Variants in PRTG observed in about 807,000 individuals in gnomAD.
PRTG encodes immunoglobulin superfamily, DCC subclass, member 5.
PRTG carries 67 observed loss-of-function variants against 122.5 expected under a neutral mutation model. The ratio of observed to expected loss-of-function variants is 0.55; its 90% CI spans 0.45 to 0.67. The LOEUF (loss-of-function observed/expected upper bound fraction) is 0.67, where lower values mean the gene tolerates loss of function less well. Ranked by LOEUF, PRTG falls within the 30% of genes least tolerant of loss-of-function variation. The pLI is 0.00. For synonymous variants in PRTG, 554 were observed against 501.1 expected, an observed-to-expected ratio of 1.11 and a Z score of -1.41; for missense variants, 1,435 against 1,415.4, an observed-to-expected ratio of 1.01 and a Z score of -0.22.
At chr15:55,730,873 G>A (rs2031207339) in intron 2 of PRTG, among the ~76,000 whole-genome samples, 1 of 152,110 alleles carries the variant, frequency 6.6e-6, no homozygotes, top group African/African-American at 2.4e-5. Flanking sequence ...CCTTGAGAAA[G>A]GCACTTACCC....
At chr15:55,667,721 A>G (rs796176233) in intron 11 of PRTG, among the ~76,000 whole-genome samples, 2 of 152,224 alleles carry the variant, frequency 1.3e-5, no homozygotes, top group Non-Finnish European at 2.9e-5. Context: ...CAAGGCAAGC[A>G]GTTTCCAAAA....
chr15:55,675,175 G>C (rs909609414), intron 9 of PRTG, among the ~76,000 whole-genome samples: 5 of 151,980 alleles, frequency 3.3e-5, no homozygotes, highest in African/African-American at 1.2e-4. Context: ...TCTGGCCCTG[G>C]TCACTACATA....
intron 2 of PRTG, among the ~76,000 whole-genome samples, chr15:55,690,366 T>G (rs2059594012): frequency 6.6e-6 from 1 of 152,218 alleles, no homozygotes; most frequent in Non-Finnish European, 1.5e-5. Flanking sequence ...AACAGAGGTT[T>G]TATTCTCAGG....
At chr15:55,642,193 A>G (rs1486854930) in intron 11 of PRTG, among the ~76,000 whole-genome samples, 12 of 150,694 alleles carry the variant, frequency 8.0e-5, no homozygotes, top group African/African-American at 2.7e-4. Context: ...AAAAAAAAAA[A>G]AAAAAAAAAA....
At chr15:55,702,650 T>C (rs2029935724) in intron 2 of PRTG, among the ~76,000 whole-genome samples, 1 of 152,216 alleles carries the variant, frequency 6.6e-6, no homozygotes, top group African/African-American at 2.4e-5. Context: ...GGATCTATGT[T>C]CCAGTTCTAA....
intron 11 of PRTG, among the ~76,000 whole-genome samples, chr15:55,668,423 G>T (rs888227930): frequency 6.6e-6 from 1 of 152,134 alleles, no homozygotes; most frequent in Non-Finnish European, 1.5e-5. Context: ...GATGAAAAAA[G>T]GGGAACAAAT....
intron 2 of PRTG, among the ~76,000 whole-genome samples, chr15:55,688,235 T>A (rs959982981): frequency 6.6e-6 from 1 of 152,174 alleles, no homozygotes; most frequent in Non-Finnish European, 1.5e-5. Context: ...TCTTCCCTAT[T>A]ATTTTATGGA....
At chr15:55,647,382 G>A (rs1304388380) in intron 11 of PRTG, among the ~76,000 whole-genome samples, 1 of 152,220 alleles carries the variant, frequency 6.6e-6, no homozygotes, top group African/African-American at 2.4e-5. Flanking sequence ...GTCAGGCACT[G>A]CATGAGAGAC....
In PRTG at chr15:55,711,169, G is replaced by A. The variant is rs546711594; in HGVS notation, c.398-27238C>T. On this transcript the variant is annotated intron_variant, in intron 2 of 19. Transcript: ENST00000389286. ...ACTCCTGACCTCAAGTGATCCACCT[G>A]CTTTGGCCTCCCAAACTGTTGAGAT... 1.9e-4 allele frequency among the ~76,000 whole-genome samples: 22 copies of A among 113,676 alleles called. No homozygotes were observed. The South Asian group carries it at 5.7e-3, about 29-fold the overall frequency. The allele number at this position is 113,676 out of a possible 152,430, so 74.6% of individuals were successfully genotyped here. A position where few individuals can be genotyped will look rare whatever the true frequency, so the allele number is the denominator to read the frequency against.
intron 2 of PRTG, among the ~76,000 whole-genome samples, chr15:55,713,069 C>G (rs1255707504): frequency 6.6e-6 from 1 of 152,106 alleles, no homozygotes; most frequent in African/African-American, 2.4e-5. Context: ...GTTAAAATCC[C>G]TTGTATACCT....
intron 2 of PRTG, among the ~76,000 whole-genome samples, chr15:55,735,622 A>G (rs750507314): frequency 3.9e-5 from 6 of 152,074 alleles, no homozygotes; most frequent in Non-Finnish European, 5.9e-5. Flanking sequence ...AAATTCCATT[A>G]AGAATCTGGA....
rs778753998 is a variant in PRTG, at chr15:55,641,234, T to C, written c.2042-26A>G. On this transcript the variant is annotated intron_variant, in intron 11 of 19. Transcript: ENST00000389286. The stretch of plus-strand genomic sequence containing the variant: ...CTATAAAGAAACCAATAGGAAATAA[T>C]TAGGACCAGGTCTCTAGATCTGAGC... 7.2e-6 allele frequency: 11 copies of C among 1,525,164 alleles called. No homozygotes were observed. The Admixed American group carries it at 1.8e-4, about 26-fold the overall frequency. The allele number at this position is 1,525,164 out of a possible 1,614,324, so 94.5% of individuals were successfully genotyped here.
intron 4 of PRTG, 82 bp downstream of exon 4, chr15:55,682,282 C>A: frequency 1.8e-6 from 2 of 1,131,070 alleles, no homozygotes; most frequent in African/African-American, 3.2e-5. Context: ...TACTTTATGG[C>A]ACATTATTAC....
At chr15:55,665,926 C>G (rs561997653) in intron 11 of PRTG, among the ~76,000 whole-genome samples, 1 of 152,310 alleles carries the variant, frequency 6.6e-6, no homozygotes, top group African/African-American at 2.4e-5. Context: ...ATTCATACTT[C>G]AGTGTCCACA....
Position 55,615,402 on chromosome 15 carries a change from G to C in PRTG, c.*4610C>G, listed in dbSNP as rs990767003. On this transcript the variant is annotated 3_prime_UTR_variant, in exon 20 of 20. Transcript: ENST00000389286. The stretch of plus-strand genomic sequence containing the variant: ...CATGTTAATCTTAAACACCATCAAC[G>C]GCTTAAAAAGGGAAATTGAGAAGAT... The C allele has an allele frequency of 6.6e-6, 1 of 152,012 alleles. No homozygotes were observed. The highest frequency in any genetic ancestry group is 6.6e-5 in the Admixed American group (1 of 15,248). The allele number at this position is 152,012 out of a possible 1,614,324, so 9.4% of individuals were successfully genotyped here.
chr15:55,699,926 A>T (rs923945448), intron 2 of PRTG, among the ~76,000 whole-genome samples: 1 of 152,234 alleles, frequency 6.6e-6, no homozygotes, highest in African/African-American at 2.4e-5. Flanking sequence ...CCTTACAGGC[A>T]TAATAAAAAG....
rs1335158845 is a variant in PRTG at position 55,615,673 on chromosome 15, GT to G, written c.*4338del. 1.3e-5 allele frequency: 2 copies of G among 152,004 alleles called. No individual in the cohort carries two copies. The highest frequency in any genetic ancestry group is 3.9e-4 in the East Asian group (2 of 5,190). The allele number at this position is 152,004 out of a possible 1,614,324, so 9.4% of individuals were successfully genotyped here. ...CATGTGGCAAATGGTCAGGAAGAAAGTCTGCAAAACACATGTGCAGTCTTAG... is the reference window on the plus strand; with the variant it reads ...CATGTGGCAAATGGTCAGGAAGAAAGCTGCAAAACACATGTGCAGTCTTAG... On this transcript the variant is annotated 3_prime_UTR_variant, in exon 20 of 20. Transcript: ENST00000389286.
chr15:55,641,072 T>TG (rs1567079679), intron 12 of PRTG, 41 bp downstream of exon 12: 1 of 1,334,020 alleles, frequency 7.5e-7, no homozygotes, highest in South Asian at 1.2e-5. Context: ...GAAAGAACGG[T>TG]GTGAGCCATA....
chr15:55,622,501 A>G (rs1479028730), intron 18 of PRTG, among the ~76,000 whole-genome samples: 1 of 150,602 alleles, frequency 6.6e-6, no homozygotes, highest in African/African-American at 2.4e-5. Context: ...CTTCTGCCTC[A>G]GTCTCCCAAG....
Sources: allele counts gnomAD v4.1 joint callset (sites outside exome capture counted in the v4.1 genomes callset), GRCh38; gene constraint gnomAD v4.1.1; transcripts MANE v1.5; gene names NCBI Gene and HGNC (gene_info 2026-07-23, HGNC 2026-07-21).